The following VDR variants were observed in gnomAD, a reference collection of about 807,000 sequenced individuals.
VDR encodes vitamin D3 receptor.
Under a neutral mutation model 39.7 loss-of-function variants are expected in VDR, and 19 were observed. The observed-to-expected ratio is 0.48, with a 90% CI of 0.33 to 0.70. VDR has a LOEUF of 0.70. Ranked by LOEUF, VDR falls within the 30% of genes least tolerant of loss-of-function variation. The pLI is 0.02. For missense variants in VDR, 442 were observed against 570.5 expected (o/e 0.77, Z 2.29); for synonymous variants, 242 against 215.8 (o/e 1.12, Z -1.07).
At chr12:47,904,713 T>G in intron 1 of VDR, 1 of 1,416,938 alleles carries the variant, frequency 7.1e-7, no homozygotes, top group South Asian at 1.3e-5. Flanking sequence ...GCATTTCTCC[T>G]AAGCGCCGAG....
rs558650978 is a variant in VDR at position 47,891,751 on chromosome 12, C to A, written c.-83-8977G>T. Among the ~76,000 whole-genome samples the A allele has an allele frequency of 6.2e-4, 94 of 152,282 alleles. No homozygotes were observed. The South Asian group carries it at 0.019, about 30-fold the overall frequency. The stretch of plus-strand genomic sequence containing the variant: ...ATCATCCTTCCTGTCCCTTCTCATC[C>A]AGTGTCACCTCCATCCCCCACCTCC... On this transcript the variant is annotated intron_variant, in intron 1 of 9. Coordinates refer to ENST00000549336, the MANE Select transcript of VDR (RefSeq NM_000376.3).
rs756376013 is a variant in VDR at position 47,878,963 on chromosome 12, C to G, written c.146+5G>C. On this transcript the variant is annotated splice_donor_5th_base_variant and intron_variant, in intron 3 of 9. Transcript: ENST00000549336. ...CACTGGGGAGAGCCTGGGAGGAGGG[C>G]TCACCTGAAGAAGCCTTTGCAGCCT... 1.2e-6 allele frequency: 2 copies of G among 1,614,192 alleles called. No individual in the cohort carries two copies. The highest frequency in any genetic ancestry group is 1.7e-5 in the Admixed American group (1 of 60,034).
At chr12:47,881,352 G>A (rs959434745) in intron 2 of VDR, among the ~76,000 whole-genome samples, 10 of 152,156 alleles carry the variant, frequency 6.6e-5, no homozygotes, top group African/African-American at 2.4e-4. Context: ...CAAGTGGACA[G>A]GGGCAGGGGC....
chr12:47,846,496 C>T (rs376639769), intron 8 of VDR, 45 bp from the exon 9 acceptor site: 30 of 1,550,234 alleles, frequency 1.9e-5, no homozygotes, highest in Non-Finnish European at 2.4e-5. Context: ...GCTGAGGAGC[C>T]GCCCACCCAC....
rs1946219096 is a variant in VDR, at chr12:47,884,548, CCTCA to C, written c.-83-1778_-83-1775del. The stretch of plus-strand genomic sequence containing the variant: ...GCCCTGCTCCATGGTTTTCCTGTGT[CCTCA>C]CTCACTTCACTCTCATAAGAGCCTC... On this transcript the variant is annotated intron_variant, in intron 1 of 9. Transcript: ENST00000549336. 2.6e-5 allele frequency among the ~76,000 whole-genome samples: 4 copies of C among 152,160 alleles called. No homozygotes were observed. In the South Asian group the frequency reaches 8.3e-4, roughly 32 times the overall value.
intron 1 of VDR, among the ~76,000 whole-genome samples, chr12:47,893,828 G>A (rs1329200551): frequency 6.6e-6 from 1 of 152,246 alleles, no homozygotes. Context: ...CTCACATGCA[G>A]ATAGGCACAT....
In VDR at chr12:47,881,615, C is replaced by A. The variant is rs78966569; in HGVS notation, c.-3+1079G>T. ...AGTAGTGAGCATATGGTATCTTCTT[C>A]TTATTATTATTAGCAAAACACTACA... On this transcript the variant is annotated intron_variant, in intron 2 of 9. Coordinates refer to ENST00000549336, the MANE Select transcript of VDR (RefSeq NM_000376.3). Among the ~76,000 whole-genome samples the A allele has an allele frequency of 2.9e-3, 443 of 152,052 alleles. 2 individuals carry two copies. Among genetic ancestry groups the A allele is most frequent in the South Asian group, 0.029 (139 of 4,822 alleles).
At chr12:47,870,736 C>G (rs1006937590) in intron 3 of VDR, among the ~76,000 whole-genome samples, 3 of 152,204 alleles carry the variant, frequency 2.0e-5, no homozygotes, top group Admixed American at 2.0e-4. Flanking sequence ...CCTCTGGGCT[C>G]CATCTCCACT....
chr12:47,889,207 G>T (rs117770756), intron 1 of VDR, among the ~76,000 whole-genome samples: 2 of 151,988 alleles, frequency 1.3e-5, no homozygotes, highest in South Asian at 2.1e-4. Flanking sequence ...CATATCCAAG[G>T]CCACACAGTA....
At position 47,844,621 on chromosome 12, in the gene VDR, G is replaced by C; in HGVS notation, c.*125C>G. ...GAGAATGGGCTGGGTGGATAGGGGA[G>C]GTGGCAGAGGAGGGGCTGAACCCCA... is the stretch of plus-strand genomic sequence containing the variant. On this transcript the variant is annotated 3_prime_UTR_variant, in exon 10 of 10. Coordinates refer to ENST00000549336, the MANE Select transcript of VDR (RefSeq NM_000376.3). 1.5e-6 allele frequency: 2 copies of C among 1,315,176 alleles called. No homozygotes were observed. Among genetic ancestry groups the C allele is most frequent in the Non-Finnish European group, 2.1e-6 (2 of 939,736 alleles). 81.5% of individuals were successfully genotyped at this position (1,315,176 alleles called of 1,614,324 possible).
At chr12:47,901,581 T>C (rs1368114266) in intron 1 of VDR, 1 of 155,064 alleles carries the variant, frequency 6.4e-6, no homozygotes, top group Non-Finnish European at 1.5e-5. Context: ...GTGACCTATG[T>C]CCTTTATCAG....
chr12:47,857,395 C>T, intron 5 of VDR, 109 bp downstream of exon 5: 1 of 1,601,318 alleles, frequency 6.2e-7, no homozygotes, highest in East Asian at 2.2e-5. Context: ...TCCGTCCCTA[C>T]CCCAGTTCTG....
chr12:47,846,457 A>G lies in VDR; in HGVS notation c.908-6T>C. ...CAGCTCCAGGCTGTGTCCGGCTGTG[A>G]GAGACAATGGCCAGGTACTGCGGGC... On this transcript the variant is annotated splice_region_variant and splice_polypyrimidine_tract_variant and intron_variant, in intron 8 of 9. Coordinates refer to ENST00000549336, the MANE Select transcript of VDR (RefSeq NM_000376.3). The G allele has an allele frequency of 6.4e-7, 1 of 1,563,132 alleles. No individual in the cohort carries two copies. Among genetic ancestry groups the G allele is most frequent in the Non-Finnish European group, 8.7e-7 (1 of 1,153,720 alleles).
intron 3 of VDR, among the ~76,000 whole-genome samples, chr12:47,866,428 G>A (rs570854868): frequency 1.8e-4 from 28 of 152,336 alleles, no homozygotes; most frequent in African/African-American, 6.3e-4. Flanking sequence ...AATCTCCAGA[G>A]TAGCCAGCAT....
chr12:47,871,471 T>C (rs1345356284), intron 3 of VDR, among the ~76,000 whole-genome samples: 4 of 150,320 alleles, frequency 2.7e-5, no homozygotes, highest in African/African-American at 4.9e-5. Flanking sequence ...TCTTTCTTTT[T>C]TTTTTTTTTC....
chr12:47,872,566 G>T (rs1945904998), intron 3 of VDR, among the ~76,000 whole-genome samples: 1 of 152,196 alleles, frequency 6.6e-6, no homozygotes, highest in Non-Finnish European at 1.5e-5. Flanking sequence ...TAGAGCCACA[G>T]CCCCTGTGCT....
intron 3 of VDR, 23 bp downstream of exon 3, chr12:47,878,945 G>C: frequency 6.2e-7 from 1 of 1,614,094 alleles, no homozygotes; most frequent in Admixed American, 1.7e-5. Context: ...TTCCACTGGG[G>C]AGAGCCTGGG....
chr12:47,869,013 G>A (rs1324451342), intron 3 of VDR, among the ~76,000 whole-genome samples: 1 of 152,218 alleles, frequency 6.6e-6, no homozygotes, highest in Non-Finnish European at 1.5e-5. Flanking sequence ...CCTATCAGAG[G>A]CCCCGTCTGT....
intron 8 of VDR, 49 bp from the exon 9 acceptor site, chr12:47,846,500 C>T: frequency 2.6e-6 from 4 of 1,548,718 alleles, no homozygotes; most frequent in South Asian, 2.4e-5. Flanking sequence ...AGGAGCCGCC[C>T]ACCCACCTCC....
Sources: allele counts gnomAD v4.1 joint callset (sites outside exome capture counted in the v4.1 genomes callset), GRCh38; gene constraint gnomAD v4.1.1; transcripts MANE v1.5; gene names NCBI Gene and HGNC (gene_info 2026-07-23, HGNC 2026-07-21).